LRRC4C: variants seen among roughly 807,000 people sequenced by gnomAD.
LRRC4C encodes leucine-rich repeat-containing protein 4C.
In LRRC4C, 5 loss-of-function variants were observed where a neutral mutation model predicts 33.6. The ratio of observed to expected loss-of-function variants is 0.15; its 90% confidence interval spans 0.08 to 0.31. LRRC4C has a LOEUF of 0.31. Ranked by LOEUF, LRRC4C falls within the 10% of genes least tolerant of loss-of-function variation. The pLI is 1.00. For synonymous variants in LRRC4C, 329 were observed against 302.0 expected (o/e 1.09, Z -0.93); for missense variants, 560 against 796.7 (o/e 0.70, Z 3.58).
At chr11:40,633,321 T>TTATTTC (rs1963627810) in intron 3 of LRRC4C, among the ~76,000 whole-genome samples, 1 of 106,344 alleles carries the variant, frequency 9.4e-6, no homozygotes, top group Admixed American at 1.0e-4. Context: ...CAGCCAAGTT[T>TTATTTC]TCTTTTTCTT....
chr11:40,310,713 T>C (rs1213654022), intron 4 of LRRC4C, among the ~76,000 whole-genome samples: 2 of 152,150 alleles, frequency 1.3e-5, no homozygotes, highest in African/African-American at 4.8e-5. Flanking sequence ...ACAGAAGTAA[T>C]ATGTTTTTTA....
chr11:40,780,870 T>A (rs72898765), intron 2 of LRRC4C, among the ~76,000 whole-genome samples: 1 of 146,902 alleles, frequency 6.8e-6, no homozygotes, highest in Non-Finnish European at 1.5e-5. Flanking sequence ...GTCTAGGGAG[T>A]GGAAAGGGAG....
intron 2 of LRRC4C, among the ~76,000 whole-genome samples, chr11:40,774,566 C>T (rs373804039): frequency 9.2e-5 from 14 of 151,994 alleles, no homozygotes; most frequent in East Asian, 7.7e-4. Context: ...ATAGATTTGA[C>T]TAAAGATTCA....
chr11:40,495,041 T>G (rs1324012182), intron 3 of LRRC4C, among the ~76,000 whole-genome samples: 1 of 152,188 alleles, frequency 6.6e-6, no homozygotes, highest in Non-Finnish European at 1.5e-5. Context: ...TGAATATTAT[T>G]AACATTGGCT....
intron 1 of LRRC4C, among the ~76,000 whole-genome samples, chr11:41,119,373 T>C (rs1382589715): frequency 6.6e-6 from 1 of 152,174 alleles, no homozygotes; most frequent in Admixed American, 6.5e-5. Flanking sequence ...CACTCTGTGG[T>C]AGATTAAATT....
Position 40,892,118 on chromosome 11 carries a change from G to A in LRRC4C, c.-407+41517C>T, listed in dbSNP as rs1955741540. ...CCACTGCACTCCAGCCTGGGCGACA[G>A]TGCGAGATTGTGTCTCAAAAAAAAA... On this transcript the variant is annotated intron_variant, in intron 2 of 6. Coordinates refer to ENST00000528697, the MANE Select transcript of LRRC4C (RefSeq NM_001258419.2). 2.3e-5 allele frequency among the ~76,000 whole-genome samples: 3 copies of A among 132,068 alleles called. No individual in the cohort carries two copies. The Admixed American group carries it at 2.5e-4, about 11-fold the overall frequency. 86.6% of individuals were successfully genotyped at this position (132,068 alleles called of 152,430 possible). A position where few individuals can be genotyped will look rare whatever the true frequency, so the allele number is the denominator to read the frequency against.
chr11:41,038,432 C>G (rs1857228447), intron 1 of LRRC4C, among the ~76,000 whole-genome samples: 1 of 152,102 alleles, frequency 6.6e-6, no homozygotes, highest in African/African-American at 2.4e-5. Flanking sequence ...AATTTCCCAC[C>G]AGGTTATAAA....
intron 3 of LRRC4C, among the ~76,000 whole-genome samples, chr11:40,601,918 C>T (rs1280094428): frequency 6.6e-6 from 1 of 152,020 alleles, no homozygotes; most frequent in Non-Finnish European, 1.5e-5. Flanking sequence ...GGGCTGAGCG[C>T]AGTGGCTCAT....
intron 2 of LRRC4C, among the ~76,000 whole-genome samples, chr11:40,685,724 A>T (rs1396582339): frequency 6.6e-6 from 1 of 151,924 alleles, no homozygotes; most frequent in Non-Finnish European, 1.5e-5. Context: ...AAGAGAGAGA[A>T]CTTGATCAGT....
At chr11:40,228,530 A>G (rs1290834114) in intron 5 of LRRC4C, among the ~76,000 whole-genome samples, 1 of 152,220 alleles carries the variant, frequency 6.6e-6, no homozygotes, top group Non-Finnish European at 1.5e-5. Flanking sequence ...CTATTATGCT[A>G]TACAAATAAT....
intron 5 of LRRC4C, among the ~76,000 whole-genome samples, chr11:40,215,777 G>A (rs1285982290): frequency 1.3e-5 from 2 of 152,142 alleles, no homozygotes; most frequent in East Asian, 1.9e-4. Context: ...AAGGCAGTCT[G>A]GGAGAGGACC....
chr11:40,954,731 A>G (rs748072563), intron 1 of LRRC4C, among the ~76,000 whole-genome samples: 2 of 151,880 alleles, frequency 1.3e-5, no homozygotes, highest in Non-Finnish European at 2.9e-5. Context: ...CTGGCAGGTT[A>G]GTAGTTCTGG....
At chr11:41,098,896 G>A (rs943426938) in intron 1 of LRRC4C, among the ~76,000 whole-genome samples, 2 of 152,048 alleles carry the variant, frequency 1.3e-5, no homozygotes, top group African/African-American at 4.8e-5. Context: ...ATGAATGTAG[G>A]AGATGGTTTT....
rs553570073 is a variant in LRRC4C, at chr11:41,072,589, C to T, written c.-495-138866G>A. ...GATTGTAAGTTTTCTGAGACCTCCGCAGCCATGCTTCCTGTACAGCCTGTG... is the reference window on the plus strand; with the variant it reads ...GATTGTAAGTTTTCTGAGACCTCCGTAGCCATGCTTCCTGTACAGCCTGTG... On this transcript the variant is annotated intron_variant, in intron 1 of 6. Coordinates refer to ENST00000528697, the MANE Select transcript of LRRC4C (RefSeq NM_001258419.2). 2.1e-3 allele frequency among the ~76,000 whole-genome samples: 319 copies of T among 152,196 alleles called. 1 individual carries two copies. Among genetic ancestry groups the T allele is most frequent in the South Asian group, 3.5e-3 (17 of 4,828 alleles).
At chr11:41,216,354 G>A (rs559054428) in intron 1 of LRRC4C, among the ~76,000 whole-genome samples, 85 of 151,410 alleles carry the variant, frequency 5.6e-4, no homozygotes, top group African/African-American at 2.0e-3. Flanking sequence ...AAAGAAAAAC[G>A]ACATTGAGAT....
intron 4 of LRRC4C, among the ~76,000 whole-genome samples, chr11:40,303,012 C>G (rs912897871): frequency 1.3e-5 from 2 of 152,082 alleles, no homozygotes; most frequent in East Asian, 3.9e-4. Flanking sequence ...ACAGCCACAT[C>G]AAGAATTATT....
rs1398633550 is a variant in LRRC4C, at chr11:40,555,510, T to C, written c.-270+92632A>G. 2.6e-5 allele frequency among the ~76,000 whole-genome samples: 4 copies of C among 152,232 alleles called. No homozygotes were observed. In the East Asian group the frequency reaches 7.7e-4, roughly 29 times the overall value. The stretch of plus-strand genomic sequence containing the variant: ...CATACCTTTTATGAACCTTTCTTGC[T>C]CTCACTCAGATGCAGACTCTCTGAG... On this transcript the variant is annotated intron_variant, in intron 3 of 6. Transcript: ENST00000528697.
chr11:40,767,882 A>G (rs1205362749), intron 2 of LRRC4C, among the ~76,000 whole-genome samples: 1 of 152,066 alleles, frequency 6.6e-6, no homozygotes, highest in Non-Finnish European at 1.5e-5. Flanking sequence ...AAAACTTCCA[A>G]TAAACAACTT....
At chr11:40,326,594 G>A (rs889726219) in intron 3 of LRRC4C, among the ~76,000 whole-genome samples, 5 of 151,786 alleles carry the variant, frequency 3.3e-5, no homozygotes, top group African/African-American at 1.2e-4. Flanking sequence ...CCTGTGTGTT[G>A]TGCAGGGCCA....
Sources: gnomAD v4.1 joint callset for allele counts (sites outside exome capture counted in the v4.1 genomes callset) on GRCh38, gnomAD v4.1.1 for gene constraint, MANE v1.5 for transcripts, NCBI Gene and HGNC (gene_info 2026-07-23, HGNC 2026-07-21) for gene names.